Variants in NDUFS1 observed in about 807,000 individuals in gnomAD.
NDUFS1 encodes the protein NADH-ubiquinone oxidoreductase 75 kDa subunit, mitochondrial.
Under a neutral mutation model 84.4 loss-of-function variants are expected in NDUFS1, and 61 were observed. That is an observed-to-expected ratio of 0.72 (90% CI 0.59 to 0.89). The LOEUF (loss-of-function observed/expected upper bound fraction) is 0.89, where lower values mean the gene tolerates loss of function less well. Among genes scored for constraint, NDUFS1 ranks in the 40% least tolerant of loss-of-function variants. The pLI, the probability that NDUFS1 is intolerant of heterozygous loss-of-function variation, is 0.00. For missense variants in NDUFS1, 891 were observed against 890.0 expected, an observed-to-expected ratio of 1.00 and a Z score of -0.01; for synonymous variants, 275 against 290.0, an observed-to-expected ratio of 0.95 and a Z score of 0.53.
Position 206,138,624 on chromosome 2 carries a change from AAAC to A in NDUFS1, c.1263-13_1263-11del, listed in dbSNP as rs780094383. 9 of 1,613,566 alleles carry A rather than the reference AAAC, an allele frequency of 5.6e-6. No homozygotes were observed. The highest frequency in any genetic ancestry group is 1.3e-5 in the African/African-American group (1 of 74,934). ...GTCATTATGCAGCCAGCTGAAATAA[AAAC>A]AACATTTTAAGAAGTAAATAACTAA... On this transcript the variant is annotated splice_polypyrimidine_tract_variant and intron_variant, in intron 12 of 18. Transcript: ENST00000233190.
intron 5 of NDUFS1, 93 bp downstream of exon 5, chr2:206,148,927 T>A: frequency 1.1e-6 from 1 of 917,246 alleles, no homozygotes; most frequent in Non-Finnish European, 1.8e-6. Context: ...CCGAGTTTGA[T>A]ATTAAATTCT....
rs953640789 is a variant in NDUFS1 at position 206,149,063 on chromosome 2, C to A, written c.295G>T (p.Gly99Cys). 15 of 1,612,818 alleles carry A rather than the reference C, an allele frequency of 9.3e-6. No individual in the cohort carries two copies. The highest frequency in any genetic ancestry group is 1.3e-5 in the Non-Finnish European group (15 of 1,179,576). ...VAACAMPVMK[G>C]WNILTNSEKS... ...TCTGAGTTTGTTAGGATATTCCAACCCTTCATTACTGGCATGGCACAAGCA... is the reference window on the plus strand; with the variant it reads ...TCTGAGTTTGTTAGGATATTCCAACACTTCATTACTGGCATGGCACAAGCA... Residue 99 changes from glycine (G) to cysteine (C), a missense_variant, in exon 5 of 19, where the codon GGT becomes TGT. Coordinates refer to ENST00000233190, the MANE Select transcript of NDUFS1 (RefSeq NM_005006.7).
Position 206,141,992 on chromosome 2 carries a change from C to T in NDUFS1, c.1211G>A (p.Gly404Asp). ...VEEADVVLLV[G>D]TNPRFEAPLF... is the part of the protein sequence containing the mutation. ...TGGTGCCTCAAAACGTGGGTTTGTACCAACCAGAAGAACAACATCTGCCTC... is the reference window on the plus strand; with the variant it reads ...TGGTGCCTCAAAACGTGGGTTTGTATCAACCAGAAGAACAACATCTGCCTC... The change falls in exon 12 of 19, where the codon GGT becomes GAT. Residue 404 changes from glycine (G) to aspartate (D), a missense_variant. Transcript: ENST00000233190. 5.6e-6 allele frequency: 9 copies of T among 1,610,972 alleles called. No individual in the cohort carries two copies. Among genetic ancestry groups the T allele is most frequent in the Non-Finnish European group, 7.6e-6 (9 of 1,177,288 alleles).
intron 14 of NDUFS1, among the ~76,000 whole-genome samples, chr2:206,131,730 G>A (rs1274293298): frequency 6.6e-6 from 1 of 152,074 alleles, no homozygotes; most frequent in Non-Finnish European, 1.5e-5. Context: ...CTGAGGTCAG[G>A]AGATCGAGAC....
Position 206,138,470 on chromosome 2 carries a change from A to C in NDUFS1, c.1392+15T>G, listed in dbSNP as rs772978667. On this transcript the variant is annotated intron_variant, in intron 13 of 18. Transcript: ENST00000233190. ...TAAAAATCAACAAGAGTAGATACACATAAGTTGAGAGCACCTGGCTAAATG... is the reference window on the plus strand; with the variant it reads ...TAAAAATCAACAAGAGTAGATACACCTAAGTTGAGAGCACCTGGCTAAATG... The C allele has an allele frequency of 6.2e-7, 1 of 1,612,164 alleles. No homozygotes were observed.
chr2:206,138,725 ACAATACATTT>A, intron 12 of NDUFS1, 111 bp from the exon 13 acceptor site: 1 of 1,176,440 alleles, frequency 8.5e-7, no homozygotes, highest in Non-Finnish European at 1.3e-6. Flanking sequence ...AAAAGCACAG[ACAATACATTT>A]AACAGATATG....
chr2:206,120,513 G>C lies in NDUFS1; in HGVS notation c.*3672C>G, dbSNP rs1489327307. On this transcript the variant is annotated 3_prime_UTR_variant, in exon 19 of 19. Coordinates refer to ENST00000233190, the MANE Select transcript of NDUFS1 (RefSeq NM_005006.7). ...GGAACAGGAATAAAGGTACATCTAT[G>C]TCATGCTTTAGCAAATAGCTTGGGT... 6.6e-6 allele frequency: 1 copy of C among 152,230 alleles called. No homozygotes were observed. Among genetic ancestry groups the C allele is most frequent in the Non-Finnish European group, 1.5e-5 (1 of 68,074 alleles). The allele number at this position is 152,230 out of a possible 1,614,324, so 9.4% of individuals were successfully genotyped here.
intron 3 of NDUFS1, 59 bp from the exon 4 acceptor site, chr2:206,149,984 C>CT (rs1342514873): frequency 8.7e-7 from 1 of 1,147,916 alleles, no homozygotes; most frequent in African/African-American, 1.6e-5. Flanking sequence ...GACTTCACTG[C>CT]TGTTATTGCT....
chr2:206,126,520 C>A lies in NDUFS1; in HGVS notation c.2092+19G>T. 1.9e-6 allele frequency: 3 copies of A among 1,611,264 alleles called. No homozygotes were observed. In the South Asian group the frequency reaches 3.3e-5, roughly 18 times the overall value. On this transcript the variant is annotated intron_variant, in intron 18 of 18. Transcript: ENST00000233190. ...TCTTACCTTTCGTATTTGGCAGAGT[C>A]ATGTTGACAATTACATACCTGTCAT...
chr2:206,117,748 CAG>C lies in NDUFS1; in HGVS notation c.*6435_*6436del, dbSNP rs1690991917. 6.6e-6 allele frequency: 1 copy of C among 152,226 alleles called. No homozygotes were observed. Among genetic ancestry groups the C allele is most frequent in the Non-Finnish European group, 1.5e-5 (1 of 68,040 alleles). 9.4% of individuals were successfully genotyped at this position (152,226 alleles called of 1,614,324 possible). ...CTGAATTTCAGGCTTTGTAATGTCACAGAACCAGGCATCAGAAGAGCTGATCC... is the reference window on the plus strand; with the variant it reads ...CTGAATTTCAGGCTTTGTAATGTCACAACCAGGCATCAGAAGAGCTGATCC... On this transcript the variant is annotated 3_prime_UTR_variant, in exon 19 of 19. Coordinates refer to ENST00000233190, the MANE Select transcript of NDUFS1 (RefSeq NM_005006.7).
At chr2:206,150,747 T>G (rs192606099) in intron 3 of NDUFS1, among the ~76,000 whole-genome samples, 280 of 152,314 alleles carry the variant, frequency 1.8e-3, no homozygotes, top group African/African-American at 6.6e-3. Flanking sequence ...TACAGGTATT[T>G]GCATGTGTAT....
rs10168865 is a variant in NDUFS1 at position 206,150,081 on chromosome 2, C to T, written c.154-156G>A. On this transcript the variant is annotated intron_variant, in intron 3 of 18. Coordinates refer to ENST00000233190, the MANE Select transcript of NDUFS1 (RefSeq NM_005006.7). ...AATTCATTCTTATTTCAGTCCCTTT[C>T]TTTGCCTTTGATTCTAACCCGTCTC... 7.8e-4 allele frequency among the ~76,000 whole-genome samples: 114 copies of T among 145,480 alleles called. 1 individual carries two copies. Among genetic ancestry groups the T allele is most frequent in the South Asian group, 1.7e-3 (8 of 4,698 alleles).
intron 13 of NDUFS1, among the ~76,000 whole-genome samples, chr2:206,136,754 CT>C (rs917949074): frequency 1.4e-5 from 2 of 143,048 alleles, no homozygotes; most frequent in African/African-American, 5.2e-5. Context: ...TAGTTTCTTT[CT>C]TTTTTTCTTT....
At chr2:206,125,248 G>A (rs1268509977) in intron 18 of NDUFS1, among the ~76,000 whole-genome samples, 1 of 152,144 alleles carries the variant, frequency 6.6e-6, no homozygotes, top group Non-Finnish European at 1.5e-5. Context: ...GACTGCTTGA[G>A]TCCAGGAGTT....
At chr2:206,126,964 A>G in intron 16 of NDUFS1, 120 bp from the exon 17 acceptor site, 1 of 1,174,048 alleles carries the variant, frequency 8.5e-7, no homozygotes, top group Non-Finnish European at 1.2e-6. Context: ...ATTGGTGTCC[A>G]TTAGTAGACA....
In NDUFS1 at chr2:206,147,022, A is replaced by G; in HGVS notation, c.618T>C (p.Val206=). ...GTTGRGNDMQ[V]GTYIEKMFMS... is the part of the protein sequence containing the mutation. ...TGAACATCTTTTCAATGTATGTGCC[A>G]ACTTGCATATCATTTCCTCTGCCTG... The change falls in exon 8 of 19, where the codon GTT becomes GTC. Residue 206 remains valine (V), a synonymous_variant. Transcript: ENST00000233190. 1 of 1,614,132 alleles carries G rather than the reference A, an allele frequency of 6.2e-7. No homozygotes were observed. The highest frequency in any genetic ancestry group is 8.5e-7 in the Non-Finnish European group (1 of 1,180,012).
chr2:206,142,091 T>C (rs1691985024), intron 11 of NDUFS1, 22 bp from the exon 12 acceptor site: 1 of 1,559,644 alleles, frequency 6.4e-7, no homozygotes, highest in Admixed American at 1.7e-5. Flanking sequence ...ATATATAAAA[T>C]GCAAATTTAC....
chr2:206,125,648 CTTT>C lies in NDUFS1; in HGVS notation c.2092+888_2092+890del, dbSNP rs766126461. On this transcript the variant is annotated intron_variant, in intron 18 of 18. Transcript: ENST00000233190. ...TGATAGTGGGAGGGTAGTGATTTTT[CTTT>C]TTTTAAAAAAAAAAAAACTTTTAGG... Among the ~76,000 whole-genome samples, 14 of 147,618 alleles carry C rather than the reference CTTT, an allele frequency of 9.5e-5. No individual in the cohort carries two copies. In the East Asian group the frequency reaches 1.4e-3, roughly 15 times the overall value.
chr2:206,125,643 TTTTTC>T (rs1463554380), intron 18 of NDUFS1, among the ~76,000 whole-genome samples: 2 of 151,838 alleles, frequency 1.3e-5, no homozygotes, highest in African/African-American at 4.8e-5. Context: ...AGGGTAGTGA[TTTTTC>T]TTTTTTTAAA....
Sources: gnomAD v4.1 joint callset for allele counts (sites outside exome capture counted in the v4.1 genomes callset) on GRCh38, gnomAD v4.1.1 for gene constraint, MANE v1.5 for transcripts, NCBI Gene and HGNC (gene_info 2026-07-23, HGNC 2026-07-21) for gene names.